PLEKHG5: variants seen among roughly 807,000 people sequenced by gnomAD.
The protein encoded by PLEKHG5 is pleckstrin homology and RhoGEF domain containing G5.
PLEKHG5 carries 52 observed loss-of-function variants against 103.8 expected under a neutral mutation model. That is an observed-to-expected ratio of 0.50 (90% CI 0.40 to 0.63). The LOEUF is 0.63. Ranked by LOEUF, PLEKHG5 falls within the 30% of genes least tolerant of loss-of-function variation. The pLI is 0.00. For missense variants in PLEKHG5, 1,205 were observed against 1,347.6 expected (o/e 0.89, Z 1.66); for synonymous variants, 592 against 575.5 (o/e 1.03, Z -0.41).
At position 6,470,887 on chromosome 1, in the gene PLEKHG5, G is replaced by A. The variant is rs1450532124; in HGVS notation, c.1393-3C>T. 2 of 1,482,756 alleles carry A rather than the reference G, an allele frequency of 1.3e-6. No homozygotes were observed. Among genetic ancestry groups the A allele is most frequent in the Non-Finnish European group, 1.8e-6 (2 of 1,122,914 alleles). The allele number at this position is 1,482,756 out of a possible 1,614,324, so 91.8% of individuals were successfully genotyped here. ...CACTGTGGGTGCTTCTCCGCCCACT[G>A]CGGTGGGGGAGTGGGGGCGGGCTCA... On this transcript the variant is annotated splice_polypyrimidine_tract_variant and splice_region_variant and intron_variant, in intron 13 of 20. Coordinates refer to ENST00000377728, the MANE Select transcript of PLEKHG5 (RefSeq NM_020631.6).
At position 6,473,293 on chromosome 1, in the gene PLEKHG5, G is replaced by A. The variant is rs556687525; in HGVS notation, c.753C>T (p.Ser251=). 165 of 1,594,894 alleles carry A rather than the reference G, an allele frequency of 1.0e-4. No individual in the cohort carries two copies. The highest frequency in any genetic ancestry group is 1.3e-4 in the Non-Finnish European group (151 of 1,171,496). Residue 251 remains serine (S), a synonymous_variant, in exon 8 of 21, where the codon AGC becomes AGT. Transcript: ENST00000377728. ...SWKNRAASRF[S]GFFSSGPSTS... is the part of the protein sequence containing the mutation. ...TGCTGGGGCCGGAGCTGAAAAAGCC[G>A]CTGAAGCGACTGGCCGCCCGGTTCT...
At chr1:6,474,801 G>A (rs1644711127) in intron 5 of PLEKHG5, 1 of 659,144 alleles carries the variant, frequency 1.5e-6, no homozygotes, top group African/African-American at 1.8e-5. Context: ...CGGCAGACCT[G>A]TCACACGCCT....
chr1:6,470,711 G>A (rs775056014), intron 14 of PLEKHG5, 24 bp downstream of exon 14: 2 of 1,550,838 alleles, frequency 1.3e-6, no homozygotes, highest in South Asian at 1.2e-5. Flanking sequence ...AGGGGGGACG[G>A]CTCCCGCTGG....
intron 5 of PLEKHG5, chr1:6,474,822 A>C: frequency 1.5e-6 from 1 of 657,554 alleles, no homozygotes; most frequent in Non-Finnish European, 2.7e-6. Context: ...GCCCACACGC[A>C]GGCCTGGCTC....
rs139002984 is a variant in PLEKHG5, at chr1:6,476,336, G to A, written c.44-300C>T. ...CTCTTGAGTAGCTGGGATTGCAGGC[G>A]TGTGCCACCACACCCGGCTCATTTT... On this transcript the variant is annotated intron_variant, in intron 2 of 20. Transcript: ENST00000377728. Among the ~76,000 whole-genome samples, 682 of 152,282 alleles carry A rather than the reference G, an allele frequency of 4.5e-3. 5 individuals are homozygous for A. The highest frequency in any genetic ancestry group is 0.015 in the African/African-American group (621 of 41,570).
At position 6,474,593 on chromosome 1, in the gene PLEKHG5, C is replaced by T; in HGVS notation, c.303-6G>A. The T allele has an allele frequency of 1.9e-6, 3 of 1,613,398 alleles. No homozygotes were observed. Among genetic ancestry groups the T allele is most frequent in the East Asian group, 2.2e-5 (1 of 44,884 alleles). On this transcript the variant is annotated splice_region_variant and splice_polypyrimidine_tract_variant and intron_variant, in intron 5 of 20. Transcript: ENST00000377728. ...ATACAGGCAGCAGCACCTCCCTGCC[C>T]CCAGGACAGGAGGCATGTGTGTTAG...
Position 6,475,456 on chromosome 1 carries a change from C to G in PLEKHG5, c.210+6G>C. On this transcript the variant is annotated splice_donor_region_variant and intron_variant, in intron 4 of 20. Transcript: ENST00000377728. ...CCGCATCTGCCGGCTCTGGGGGGCTCCTCACATCCGTGTGTCTCCTCCTTG... is the reference window on the plus strand; with the variant it reads ...CCGCATCTGCCGGCTCTGGGGGGCTGCTCACATCCGTGTGTCTCCTCCTTG... 6.2e-7 allele frequency: 1 copy of G among 1,613,086 alleles called. No individual in the cohort carries two copies. The highest frequency in any genetic ancestry group is 8.5e-7 in the Non-Finnish European group (1 of 1,179,454).
In PLEKHG5 at chr1:6,503,424, T is replaced by C. The variant is rs76616639; in HGVS notation, c.-164-6855A>G. ...AACCCTGTCTTTTTTTTTTTTTTTT[T>C]TCAGATGGAGTTTTGCTCTTGTCAC... On this transcript the variant is annotated intron_variant, in intron 1 of 21. Transcript: ENST00000377740. Among the ~76,000 whole-genome samples the C allele has an allele frequency of 4.4e-3, 665 of 150,306 alleles. 4 individuals carry two copies. Among genetic ancestry groups the C allele is most frequent in the African/African-American group, 0.016 (640 of 40,462 alleles).
Position 6,471,470 on chromosome 1 carries a change from G to T in PLEKHG5, c.1281+18C>A. 1 of 1,606,732 alleles carries T rather than the reference G, an allele frequency of 6.2e-7. No individual in the cohort carries two copies. The highest frequency in any genetic ancestry group is 8.5e-7 in the Non-Finnish European group (1 of 1,177,406). ...GCCCTGCCTCAGTGCCCCCGCCTGCGCCCGGCCCCGCCCGTACCATCTTGA... is the reference window on the plus strand; with the variant it reads ...GCCCTGCCTCAGTGCCCCCGCCTGCTCCCGGCCCCGCCCGTACCATCTTGA... On this transcript the variant is annotated intron_variant, in intron 12 of 20. Coordinates refer to ENST00000377728, the MANE Select transcript of PLEKHG5 (RefSeq NM_020631.6).
In PLEKHG5 at chr1:6,475,451, G is replaced by A. The variant is rs757174064; in HGVS notation, c.210+11C>T. 6.2e-7 allele frequency: 1 copy of A among 1,612,432 alleles called. No individual in the cohort carries two copies. Among genetic ancestry groups the A allele is most frequent in the Non-Finnish European group, 8.5e-7 (1 of 1,178,984 alleles). ...GGAACCCGCATCTGCCGGCTCTGGG[G>A]GGCTCCTCACATCCGTGTGTCTCCT... On this transcript the variant is annotated intron_variant, in intron 4 of 20. Coordinates refer to ENST00000377728, the MANE Select transcript of PLEKHG5 (RefSeq NM_020631.6).
At position 6,476,008 on chromosome 1, in the gene PLEKHG5, G is replaced by T; in HGVS notation, c.72C>A (p.Thr24=). 1 of 1,613,648 alleles carries T rather than the reference G, an allele frequency of 6.2e-7. No individual in the cohort carries two copies. Among genetic ancestry groups the T allele is most frequent in the Middle Eastern group, 1.6e-4 (1 of 6,062 alleles). ...GGCTGGTGCGCGGCGGGCATGACCG[G>T]GTGGACACGTTCCGGGCCAGCACAG... is the stretch of plus-strand genomic sequence containing the variant. ...QGSVLARNVS[T]RSCPPRTSPA... Residue 24 remains threonine, a synonymous_variant, in exon 3 of 21, where the codon ACC becomes ACA. Transcript: ENST00000377728.
At position 6,468,083 on chromosome 1, in the gene PLEKHG5, C is replaced by T. The variant is rs1181778254; in HGVS notation, c.2753G>A (p.Gly918Asp). 1.9e-6 allele frequency: 3 copies of T among 1,583,726 alleles called. No individual in the cohort carries two copies. Among genetic ancestry groups the T allele is most frequent in the South Asian group, 1.1e-5 (1 of 87,382 alleles). Reference protein sequence around the residue: ...AVPAPGIRTQGSPQEAGPSWD... With the variant: ...AVPAPGIRTQDSPQEAGPSWD... Reference sequence around the variant, plus strand: ...GCTGGGCCCAGCTTCCTGAGGGGAGCCCTGAGTCCTAATACCTGGGGCTGG... The same window carrying T: ...GCTGGGCCCAGCTTCCTGAGGGGAGTCCTGAGTCCTAATACCTGGGGCTGG... The change falls in exon 20 of 21, where the codon GGC becomes GAC. Residue 918 changes from glycine (G) to aspartate (D), a missense_variant. Transcript: ENST00000377728.
upstream of PLEKHG5, among the ~76,000 whole-genome samples, chr1:6,501,380 C>T (rs1645295433): frequency 6.6e-6 from 1 of 152,212 alleles, no homozygotes; most frequent in Non-Finnish European, 1.5e-5. This position sits in a 1 kb window ranked among gnomAD's most constrained non-coding sequence, Gnocchi z 4.3. Context: ...AGGCTGCTGC[C>T]TTCAGGAAGG....
chr1:6,488,473 G>T (rs1645080929), intron 1 of PLEKHG5, among the ~76,000 whole-genome samples: 1 of 152,226 alleles, frequency 6.6e-6, no homozygotes, highest in African/African-American at 2.4e-5. Context: ...CACCGGTGTG[G>T]GGTAACCAGG....
At chr1:6,478,530 T>C (rs1232180747) in intron 1 of PLEKHG5, among the ~76,000 whole-genome samples, 1 of 152,226 alleles carries the variant, frequency 6.6e-6, no homozygotes, top group Non-Finnish European at 1.5e-5. Flanking sequence ...TTTCTTTCTT[T>C]CCCTTCACAG....
chr1:6,486,911 T>C lies in PLEKHG5; in HGVS notation c.-88+4726A>G, dbSNP rs1256808111. On this transcript the variant is annotated intron_variant, in intron 1 of 20. Transcript: ENST00000377728. The surrounding 1 kb of genome is among the most constrained non-coding windows in gnomAD (Gnocchi z 5.3). ...CCATGGGGGTGAGGTGGCCATGCTG[T>C]CTGTCATCAGCCCACCCACCCCTAA... Among the ~76,000 whole-genome samples the C allele has an allele frequency of 6.6e-6, 1 of 152,166 alleles. No homozygotes were observed. Among genetic ancestry groups the C allele is most frequent in the Non-Finnish European group, 1.5e-5 (1 of 68,030 alleles).
At chr1:6,477,733 G>A in intron 1 of PLEKHG5, 75 bp from the exon 2 acceptor site, 1 of 1,537,992 alleles carries the variant, frequency 6.5e-7, no homozygotes, top group Non-Finnish European at 8.9e-7. Flanking sequence ...AGCGCTGCAG[G>A]GACTTAGAAT....
At chr1:6,474,854 A>G in intron 5 of PLEKHG5, 193 bp downstream of exon 5, 1 of 687,278 alleles carries the variant, frequency 1.5e-6, no homozygotes, top group Non-Finnish European at 2.6e-6. Flanking sequence ...ATTAAAATGC[A>G]CAAGTACACA....
intron 1 of PLEKHG5, among the ~76,000 whole-genome samples, chr1:6,512,085 G>A (rs1402703939): frequency 6.6e-6 from 1 of 152,180 alleles, no homozygotes; most frequent in Admixed American, 6.5e-5. Flanking sequence ...AATCTACCCA[G>A]TGGCCCTGTG....
Sources: allele counts gnomAD v4.1 joint callset (sites outside exome capture counted in the v4.1 genomes callset), GRCh38; gene constraint gnomAD v4.1.1; non-coding constraint Gnocchi (gnomAD v3.1); transcripts MANE v1.5; gene names NCBI Gene and HGNC (gene_info 2026-07-23, HGNC 2026-07-21).